The following PRKD1 variants were observed in gnomAD, a reference collection of about 807,000 sequenced individuals.
PRKD1 encodes the protein serine/threonine-protein kinase D1.
A neutral mutation model predicts 95.9 loss-of-function variants in PRKD1; 63 were observed. The observed-to-expected ratio is 0.66, with a 90% CI of 0.54 to 0.81. The LOEUF is 0.81. PRKD1 is among the 30% of genes least tolerant of loss of function. The probability of loss-of-function intolerance (pLI) is 0.00; values close to 1 mark genes in which losing one functional copy is unlikely to be tolerated. For missense variants in PRKD1, 1,048 were observed against 1,165.3 expected (o/e 0.90, Z 1.47); for synonymous variants, 425 against 423.1 (o/e 1.00, Z -0.05).
intron 1 of PRKD1, among the ~76,000 whole-genome samples, chr14:29,881,436 C>G (rs781557768): frequency 1.3e-5 from 2 of 152,086 alleles, no homozygotes; most frequent in East Asian, 1.9e-4. Context: ...TTCCCAGTCT[C>G]GGGTATGTCT....
chr14:29,681,534 T>C (rs1035400126), intron 2 of PRKD1, among the ~76,000 whole-genome samples: 1 of 152,202 alleles, frequency 6.6e-6, no homozygotes, highest in Non-Finnish European at 1.5e-5. Flanking sequence ...TCTGTGTCAC[T>C]GTTATAAAGA....
At position 29,638,517 on chromosome 14, in the gene PRKD1, G is replaced by A. The variant is rs1303567279; in HGVS notation, c.957C>T (p.Asn319=). 1 of 1,614,094 alleles carries A rather than the reference G, an allele frequency of 6.2e-7. No individual in the cohort carries two copies. The highest frequency in any genetic ancestry group is 1.3e-5 in the African/African-American group (1 of 74,940). ...CATTAATGGTCACTTCGCCAAGGCA[G>A]TTGTTTGGTACTTTCGGTGCACAAC... ...HKRCAPKVPN[N]CLGEVTINGD... Residue 319 remains asparagine (N), a synonymous_variant, in exon 6 of 18, where the codon AAC becomes AAT. Transcript: ENST00000331968.
rs1263428515 is a variant in PRKD1, at chr14:29,826,862, T to C, written c.264+100387A>G. On this transcript the variant is annotated intron_variant, in intron 1 of 17. Transcript: ENST00000331968. ...ATACACACATATATATATATATATATATATATATATATATGATGGAATACT... is the reference window on the plus strand; with the variant it reads ...ATACACACATATATATATATATATACATATATATATATATGATGGAATACT... Among the ~76,000 whole-genome samples, 5 of 103,632 alleles carry C rather than the reference T, an allele frequency of 4.8e-5. 1 individual carries two copies. Among genetic ancestry groups the C allele is most frequent in the Admixed American group, 2.2e-4 (2 of 9,196 alleles). The allele number at this position is 103,632 out of a possible 152,430, so 68.0% of individuals were successfully genotyped here.
intron 13 of PRKD1, among the ~76,000 whole-genome samples, chr14:29,602,202 C>T (rs112343762): frequency 0.036 from 5,445 of 151,884 alleles, 342 homozygotes; most frequent in African/African-American, 0.12. Flanking sequence ...TGTAGGCAGA[C>T]GAAAAACTAG....
At chr14:29,800,364 C>T (rs1889976034) in intron 1 of PRKD1, among the ~76,000 whole-genome samples, 1 of 152,206 alleles carries the variant, frequency 6.6e-6, no homozygotes, top group African/African-American at 2.4e-5. Flanking sequence ...TTGTTTAACA[C>T]TCTGTTCCTC....
rs565352174 is a variant in PRKD1, at chr14:29,913,667, T to C, written c.264+13582A>G. 2.0e-5 allele frequency among the ~76,000 whole-genome samples: 3 copies of C among 152,352 alleles called. No homozygotes were observed. The East Asian group carries it at 5.8e-4, about 29-fold the overall frequency. On this transcript the variant is annotated intron_variant, in intron 1 of 17. Coordinates refer to ENST00000331968, the MANE Select transcript of PRKD1 (RefSeq NM_002742.3). ...CTAGTTGACATTCCACATTAGTAGA[T>C]GAAATTAACATCTGTCACAAAGGTT... is the stretch of plus-strand genomic sequence containing the variant.
chr14:29,782,637 C>G (rs1889099313), intron 1 of PRKD1, among the ~76,000 whole-genome samples: 1 of 152,008 alleles, frequency 6.6e-6, no homozygotes, highest in Non-Finnish European at 1.5e-5. Context: ...CTCAAGAGTT[C>G]TTCCCGCCTC....
rs376602484 is a variant in PRKD1, at chr14:29,641,138, T to C, written c.697-2234A>G. Among the ~76,000 whole-genome samples, 20 of 152,350 alleles carry C rather than the reference T, an allele frequency of 1.3e-4. No individual in the cohort carries two copies. In the South Asian group the frequency reaches 4.1e-3, roughly 32 times the overall value. On this transcript the variant is annotated intron_variant, in intron 4 of 17. Transcript: ENST00000331968. The stretch of plus-strand genomic sequence containing the variant: ...CTGTCACTCTGTAGCCCAGAGACTA[T>C]ACCACACACATTTTCAGGCAATAAT...
intron 1 of PRKD1, among the ~76,000 whole-genome samples, chr14:29,872,636 A>G (rs911792614): frequency 6.6e-6 from 1 of 151,582 alleles, no homozygotes; most frequent in African/African-American, 2.4e-5. Context: ...AGCCTGGGCA[A>G]CAGAGTGAGA....
intron 1 of PRKD1, among the ~76,000 whole-genome samples, chr14:29,897,831 C>T (rs564257031): frequency 5.5e-4 from 83 of 152,110 alleles, no homozygotes; most frequent in African/African-American, 1.9e-3. Flanking sequence ...TTCAATGGTA[C>T]TCAATAGTTT....
intron 2 of PRKD1, among the ~76,000 whole-genome samples, chr14:29,668,780 G>A (rs1882672384): frequency 6.6e-6 from 1 of 152,168 alleles, no homozygotes. Flanking sequence ...TTGGCAATGG[G>A]AGAAGCATAA....
chr14:29,722,561 A>G (rs2139386337), intron 2 of PRKD1, among the ~76,000 whole-genome samples: 1 of 152,356 alleles, frequency 6.6e-6, no homozygotes, highest in African/African-American at 2.4e-5. Context: ...TAGTAACTTT[A>G]TTCTCATAGC....
chr14:29,597,887 TTAAAG>T, intron 15 of PRKD1, 129 bp from the exon 16 acceptor site: 1 of 991,634 alleles, frequency 1.0e-6, no homozygotes, highest in Non-Finnish European at 1.4e-6. Context: ...TATGGATTTC[TTAAAG>T]TAATAGCTAT....
chr14:29,821,701 C>T (rs371268530), intron 1 of PRKD1, among the ~76,000 whole-genome samples: 18 of 152,254 alleles, frequency 1.2e-4, no homozygotes, highest in African/African-American at 4.1e-4. Context: ...AACACATTCA[C>T]CCTCTTTTAA....
At chr14:29,636,796 G>A (rs940920395) in intron 6 of PRKD1, among the ~76,000 whole-genome samples, 9 of 152,050 alleles carry the variant, frequency 5.9e-5, no homozygotes, top group East Asian at 1.9e-4. Context: ...AAGGGACCCC[G>A]TATGTGTTAT....
intron 2 of PRKD1, among the ~76,000 whole-genome samples, chr14:29,725,048 CCTT>C (rs1886073138): frequency 6.6e-6 from 1 of 152,188 alleles, no homozygotes; most frequent in Non-Finnish European, 1.5e-5. Flanking sequence ...CATGACCTGA[CCTT>C]CTCTAACTCC....
Position 29,808,547 on chromosome 14 carries a change from C to G in PRKD1, c.265-82873G>C, listed in dbSNP as rs79410737. Among the ~76,000 whole-genome samples, 59 of 151,418 alleles carry G rather than the reference C, an allele frequency of 3.9e-4. 1 individual carries two copies. In the East Asian group the frequency reaches 0.011, roughly 29 times the overall value. On this transcript the variant is annotated intron_variant, in intron 1 of 17. Coordinates refer to ENST00000331968, the MANE Select transcript of PRKD1 (RefSeq NM_002742.3). ...CCCAAGTAGCTGGGATTACAGGCACCTGCCACCACACTCAGCTAATTTTTG... is the reference window on the plus strand; with the variant it reads ...CCCAAGTAGCTGGGATTACAGGCACGTGCCACCACACTCAGCTAATTTTTG...
At chr14:29,833,552 G>T (rs1435715650) in intron 1 of PRKD1, among the ~76,000 whole-genome samples, 1 of 152,028 alleles carries the variant, frequency 6.6e-6, no homozygotes, top group Admixed American at 6.6e-5. Context: ...ATCAAAGGCA[G>T]TGTGCCTCAG....
intron 1 of PRKD1, among the ~76,000 whole-genome samples, chr14:29,912,019 G>A (rs908172835): frequency 1.3e-5 from 2 of 152,024 alleles, no homozygotes; most frequent in Non-Finnish European, 1.5e-5. Flanking sequence ...TCTTCCATCT[G>A]CAAAGTCAGC....
Sources: allele counts gnomAD v4.1 joint callset (sites outside exome capture counted in the v4.1 genomes callset), GRCh38; gene constraint gnomAD v4.1.1; transcripts MANE v1.5; gene names NCBI Gene and HGNC (gene_info 2026-07-23, HGNC 2026-07-21).